The following CCDC102B variants were observed in gnomAD, a reference collection of about 807,000 sequenced individuals.
The protein encoded by CCDC102B is coiled-coil domain-containing protein 102B.
A neutral mutation model predicts 57.4 loss-of-function variants in CCDC102B; 75 were observed. The observed-to-expected ratio is 1.31, with a 90% confidence interval of 1.08 to 1.58. The LOEUF (loss-of-function observed/expected upper bound fraction) is 1.58, where lower values mean the gene tolerates loss of function less well. Among genes scored for constraint, CCDC102B ranks in the 40% most tolerant of loss-of-function variants. The pLI is 0.00. For missense variants in CCDC102B, 636 were observed against 582.6 expected, an observed-to-expected ratio of 1.09 and a Z score of -0.94; for synonymous variants, 206 against 201.9, an observed-to-expected ratio of 1.02 and a Z score of -0.17.
intron 2 of CCDC102B, among the ~76,000 whole-genome samples, chr18:68,761,546 T>G (rs1366879592): frequency 6.6e-6 from 1 of 151,572 alleles, no homozygotes; most frequent in Non-Finnish European, 1.5e-5. Flanking sequence ...CTATATTATT[T>G]TCTCTCTACA....
At chr18:68,715,249 C>T in exon 1 of CCDC102B, 2 of 1,334,508 alleles carry the variant, frequency 1.5e-6, no homozygotes, top group African/African-American at 1.5e-5. Context: ...CCCCCCTCCA[C>T]GCCCAGGAGC....
At chr18:68,908,401 G>C (rs994833809) in intron 6 of CCDC102B, 5 of 152,158 alleles carry the variant, frequency 3.3e-5, no homozygotes, top group Non-Finnish European at 7.3e-5. Context: ...CCAGAGTTCT[G>C]ACAAAGTGGA....
At position 68,916,150 on chromosome 18, in the gene CCDC102B, AATAG is replaced by A. The variant is rs34998141; in HGVS notation, c.1263+18738_1263+18741del. Among the ~76,000 whole-genome samples, 85 of 151,222 alleles carry A rather than the reference AATAG, an allele frequency of 5.6e-4. No individual in the cohort carries two copies. The East Asian group carries it at 0.013, about 23-fold the overall frequency. On this transcript the variant is annotated intron_variant, in intron 6 of 7. Transcript: ENST00000360242. ...TAGTTTGGTTGTAGATAAGAGAATA[AATAG>A]ATAGATAGATAGATATGCATCTATC...
intron 1 of CCDC102B, among the ~76,000 whole-genome samples, chr18:68,811,732 A>G (rs1457783092): frequency 6.6e-6 from 1 of 152,172 alleles, no homozygotes; most frequent in Non-Finnish European, 1.5e-5. Flanking sequence ...TGAAAGGAAG[A>G]AGGCTTTCTG....
rs1422255045 is a variant in CCDC102B at position 68,836,825 on chromosome 18, C to T, written c.62C>T (p.Ser21Leu). The T allele has an allele frequency of 1.2e-6, 2 of 1,613,884 alleles. No homozygotes were observed. The highest frequency in any genetic ancestry group is 2.2e-5 in the South Asian group (2 of 91,062). Residue 21 changes from serine (S) to leucine (L), a missense_variant, in exon 2 of 8, where the codon TCA becomes TTA. Physicochemically the swap from Ser to Leu is moderately radical, Grantham distance 145. Transcript: ENST00000360242. ...ACACAGATCTTCCAGATGCAACAAT[C>T]ATCAATTAAGTCACGCGGCGACATG... ...EETQIFQMQQ[S>L]SIKSRGDMVA...
chr18:68,976,159 A>C (rs1350147454), intron 6 of CCDC102B, among the ~76,000 whole-genome samples: 2 of 152,034 alleles, frequency 1.3e-5, no homozygotes, highest in Non-Finnish European at 2.9e-5. Flanking sequence ...TAATTGGTAC[A>C]TTTGTATTTA....
intron 2 of CCDC102B, among the ~76,000 whole-genome samples, chr18:68,739,479 C>A (rs535949489): frequency 9.8e-5 from 15 of 152,316 alleles, no homozygotes; most frequent in Admixed American, 5.2e-4. Context: ...ACATGAGAGT[C>A]TAGGTCAACA....
downstream of CCDC102B, among the ~76,000 whole-genome samples, chr18:69,057,793 C>T (rs891897614): frequency 2.0e-5 from 3 of 151,988 alleles, no homozygotes; most frequent in Admixed American, 1.3e-4. Flanking sequence ...CCATTGCCAC[C>T]CATGCCCATC....
chr18:68,911,870 G>A (rs1212444244), intron 6 of CCDC102B, among the ~76,000 whole-genome samples: 10 of 144,812 alleles, frequency 6.9e-5, no homozygotes. Flanking sequence ...TTACCTACAT[G>A]TACCCCTGAA....
At chr18:68,724,297 A>C (rs1328247424) in intron 2 of CCDC102B, among the ~76,000 whole-genome samples, 1 of 152,186 alleles carries the variant, frequency 6.6e-6, no homozygotes. Flanking sequence ...TGCCCCGAAG[A>C]CATTTTCCCC....
intron 2 of CCDC102B, among the ~76,000 whole-genome samples, chr18:68,733,720 G>C (rs978419516): frequency 1.1e-4 from 17 of 152,046 alleles, no homozygotes; most frequent in African/African-American, 4.1e-4. Context: ...ATTTACCTAA[G>C]AGGACTTCCA....
intron 4 of CCDC102B, among the ~76,000 whole-genome samples, chr18:68,862,300 T>C (rs2038795680): frequency 6.6e-6 from 1 of 152,158 alleles, no homozygotes; most frequent in Non-Finnish European, 1.5e-5. Flanking sequence ...GGCCTTTCAG[T>C]GACTCTGTGG....
At chr18:68,786,466 A>C (rs1241100678) in intron 2 of CCDC102B, among the ~76,000 whole-genome samples, 1 of 140,968 alleles carries the variant, frequency 7.1e-6, no homozygotes, top group African/African-American at 2.8e-5. Flanking sequence ...TGAGCATGGA[A>C]TGTTCTTCCA....
chr18:68,758,078 A>C (rs933014221), intron 2 of CCDC102B, among the ~76,000 whole-genome samples: 3 of 152,068 alleles, frequency 2.0e-5, no homozygotes, highest in African/African-American at 7.2e-5. Context: ...TTTCTCTTAG[A>C]GCCCAGAAGT....
chr18:69,017,502 T>TC (rs1352864504), intron 7 of CCDC102B, among the ~76,000 whole-genome samples: 2 of 152,166 alleles, frequency 1.3e-5, no homozygotes, highest in African/African-American at 4.8e-5. Context: ...TTAAATCTCT[T>TC]CCTACCTTTA....
intron 2 of CCDC102B, among the ~76,000 whole-genome samples, chr18:68,758,755 T>C (rs1360611988): frequency 2.6e-5 from 4 of 151,230 alleles, no homozygotes; most frequent in Admixed American, 2.6e-4. Context: ...CCTGGGAAGA[T>C]TAAATGCTTG....
At chr18:68,920,459 T>G (rs967701963) in intron 6 of CCDC102B, among the ~76,000 whole-genome samples, 14 of 152,180 alleles carry the variant, frequency 9.2e-5, no homozygotes, top group Middle Eastern at 3.4e-3. Context: ...TATTAGTCCA[T>G]TTTCACACTG....
At chr18:68,901,921 G>A (rs758337746) in intron 6 of CCDC102B, among the ~76,000 whole-genome samples, 3 of 152,132 alleles carry the variant, frequency 2.0e-5, no homozygotes, top group African/African-American at 7.2e-5. Context: ...TACTGTCGAT[G>A]TAAGATATAA....
chr18:68,871,325 T>A (rs955158012), intron 4 of CCDC102B, among the ~76,000 whole-genome samples: 1 of 152,182 alleles, frequency 6.6e-6, no homozygotes, highest in Non-Finnish European at 1.5e-5. Flanking sequence ...ACGAATGTGA[T>A]ATATCAGCTG....
Sources: gnomAD v4.1 joint callset for allele counts (sites outside exome capture counted in the v4.1 genomes callset) on GRCh38, gnomAD v4.1.1 for gene constraint, MANE v1.5 for transcripts, NCBI Gene and HGNC (gene_info 2026-07-23, HGNC 2026-07-21) for gene names.